Variants in AMY2B observed in about 807,000 individuals in gnomAD.
AMY2B encodes amylase alpha 2B.
In AMY2B, 63 loss-of-function variants were observed where a neutral mutation model predicts 59.3. The observed-to-expected ratio is 1.06, with a 90% CI of 0.87 to 1.31. The LOEUF is 1.31. Ranked by LOEUF, AMY2B falls within the 50% of genes most tolerant of loss-of-function variation. AMY2B has a pLI of 0.00. For missense variants in AMY2B, 635 were observed against 626.7 expected, an observed-to-expected ratio of 1.01 and a Z score of -0.14; for synonymous variants, 180 against 198.1, an observed-to-expected ratio of 0.91 and a Z score of 0.77.
At chr1:103,574,896 T>G (rs1652283948) in intron 5 of AMY2B, among the ~76,000 whole-genome samples, 1 of 151,438 alleles carries the variant, frequency 6.6e-6, no homozygotes, top group South Asian at 2.1e-4. Flanking sequence ...TGCTGAAACC[T>G]CTGAAAGGAC....
chr1:103,570,227 AG>A (rs1167612763), upstream of AMY2B: 1 of 522,884 alleles, frequency 1.9e-6, no homozygotes, highest in Non-Finnish European at 3.8e-6. Flanking sequence ...TTTGAGCAGT[AG>A]ATGGCCACTG....
chr1:103,573,748 T>G lies in AMY2B; in HGVS notation c.554T>G (p.Leu185Arg). The G allele has an allele frequency of 3.1e-6, 5 of 1,613,822 alleles. No homozygotes were observed. The highest frequency in any genetic ancestry group is 4.2e-6 in the Non-Finnish European group (5 of 1,179,744). The change falls in exon 4 of 10, where the codon CTG becomes CGG. Residue 185 changes from leucine (L) to arginine (R), a missense_variant. Physicochemically the swap from Leu to Arg is moderately radical, Grantham distance 102. Coordinates refer to ENST00000684275, the MANE Select transcript of AMY2B (RefSeq NM_001387437.1). The part of the protein sequence containing the change: ...CRLVGLLDLA[L>R]EKDYVRSKIA... ...CTGGTTGGTCTTCTTGATCTTGCAC[T>G]GGAGAAAGATTATGTGCGTTCCAAG...
intron 4 of AMY2B, 38 bp from the exon 5 acceptor site, chr1:103,574,222 C>G (rs538195621): frequency 6.2e-7 from 1 of 1,611,182 alleles, no homozygotes. Flanking sequence ...CTTTAAAGTC[C>G]TTATGCAAAA....
upstream of AMY2B, chr1:103,570,901 A>G (rs867208603): frequency 5.5e-5 from 20 of 360,612 alleles, no homozygotes; most frequent in Middle Eastern, 9.7e-4. Flanking sequence ...ATCTGTACAT[A>G]TCTTTGATTT....
At chr1:103,567,072 A>G (rs1651933363), upstream of AMY2B, among the ~76,000 whole-genome samples, 5 of 152,198 alleles carry the variant, frequency 3.3e-5, no homozygotes, top group Non-Finnish European at 7.3e-5. Context: ...AAAAGAAGTC[A>G]AATATAGCTT....
At chr1:103,559,129 TAAAC>T (rs1251317493) in intron 1 of AMY2B, among the ~76,000 whole-genome samples, 4 of 152,176 alleles carry the variant, frequency 2.6e-5, no homozygotes, top group Non-Finnish European at 5.9e-5. Context: ...CCACTGTAGT[TAAAC>T]AAATAATCAC....
intron 7 of AMY2B, among the ~76,000 whole-genome samples, chr1:103,576,279 G>C (rs2101078103): frequency 6.6e-6 from 1 of 152,232 alleles, no homozygotes; most frequent in Admixed American, 6.5e-5. Context: ...CAGATATCTA[G>C]CTAGCTTTTT....
intron 1 of AMY2B, among the ~76,000 whole-genome samples, chr1:103,557,164 A>G (rs1387243169): frequency 1.3e-5 from 2 of 151,970 alleles, no homozygotes; most frequent in Non-Finnish European, 2.9e-5. Flanking sequence ...ACACACACAC[A>G]CACACACATA....
chr1:103,563,194 G>C (rs951962388), intron 1 of AMY2B, among the ~76,000 whole-genome samples: 3 of 152,024 alleles, frequency 2.0e-5, no homozygotes, highest in African/African-American at 7.2e-5. Context: ...TTTGTCGTCA[G>C]GATATTATCA....
At chr1:103,554,772 A>T (rs939399811) in exon 1 of AMY2B, 1 of 152,650 alleles carries the variant, frequency 6.6e-6, no homozygotes, top group Non-Finnish European at 1.5e-5. Flanking sequence ...CTGTGAAAAC[A>T]ATTGAAAATT....
chr1:103,566,307 T>C (rs1651910493), intron 2 of AMY2B, among the ~76,000 whole-genome samples: 1 of 152,192 alleles, frequency 6.6e-6, no homozygotes, highest in African/African-American at 2.4e-5. Flanking sequence ...TGTATGGACA[T>C]ATCCCTTCTC....
At chr1:103,560,886 T>C (rs568257400) in intron 1 of AMY2B, among the ~76,000 whole-genome samples, 2 of 152,274 alleles carry the variant, frequency 1.3e-5, no homozygotes, top group East Asian at 3.9e-4. Context: ...GACTGATTAG[T>C]AGGTAAGAGC....
At chr1:103,555,788 T>C (rs550746813) in intron 1 of AMY2B, among the ~76,000 whole-genome samples, 2 of 152,090 alleles carry the variant, frequency 1.3e-5, no homozygotes, top group African/African-American at 4.8e-5. Flanking sequence ...TTGTGAGAAA[T>C]GGGTTGTTAA....
upstream of AMY2B, chr1:103,571,332 AG>A: frequency 3.3e-6 from 3 of 918,592 alleles, no homozygotes. Context: ...TGAGAACATT[AG>A]GCCCCAGCAA....
At chr1:103,557,212 A>C (rs564865331) in intron 1 of AMY2B, among the ~76,000 whole-genome samples, 2 of 152,280 alleles carry the variant, frequency 1.3e-5, no homozygotes, top group East Asian at 3.9e-4. Flanking sequence ...TTGAATAAGC[A>C]TCAGGAAATA....
At chr1:103,575,563 C>T (rs1652321108) in intron 7 of AMY2B, 23 bp downstream of exon 7, 1 of 1,610,818 alleles carries the variant, frequency 6.2e-7, no homozygotes, top group Non-Finnish European at 8.5e-7. Flanking sequence ...ATTGTTCAAA[C>T]TATCCTTTTC....
intron 3 of AMY2B, among the ~76,000 whole-genome samples, 166 bp from the exon 4 acceptor site, chr1:103,573,542 T>A (rs2101074535): frequency 6.6e-6 from 1 of 152,290 alleles, no homozygotes; most frequent in South Asian, 2.1e-4. Flanking sequence ...TTAGAAAATA[T>A]TTCCAAGATA....
intron 1 of AMY2B, among the ~76,000 whole-genome samples, chr1:103,558,545 A>T (rs1430732434): frequency 6.6e-6 from 1 of 152,164 alleles, no homozygotes; most frequent in Non-Finnish European, 1.5e-5. Context: ...AAAAAAAAGT[A>T]TTAAAAGATA....
At chr1:103,565,580 G>C (rs567731218) in exon 2 of AMY2B, 1 of 152,134 alleles carries the variant, frequency 6.6e-6, no homozygotes, top group Non-Finnish European at 1.5e-5. Context: ...GACTTCAAGT[G>C]ATCTTTCATC....
Sources: allele counts gnomAD v4.1 joint callset (sites outside exome capture counted in the v4.1 genomes callset), GRCh38; gene constraint gnomAD v4.1.1; transcripts MANE v1.5; gene names NCBI Gene and HGNC (gene_info 2026-07-23, HGNC 2026-07-21).